Variants in RALA observed in about 807,000 individuals in gnomAD.
The protein encoded by RALA is RAS like proto-oncogene A.
A neutral mutation model predicts 24.0 loss-of-function variants in RALA; 5 were observed. The observed-to-expected ratio is 0.21, with a 90% CI of 0.11 to 0.44. The LOEUF (loss-of-function observed/expected upper bound fraction) is 0.44, where lower values mean the gene tolerates loss of function less well. Ranked by LOEUF, RALA falls within the 20% of genes least tolerant of loss-of-function variation. The pLI is 0.99. For missense variants in RALA, 95 were observed against 241.2 expected (o/e 0.39, Z 4.01); for synonymous variants, 77 against 83.8 (o/e 0.92, Z 0.44).
intron 1 of RALA, among the ~76,000 whole-genome samples, chr7:39,666,967 GA>G (rs1307127000): frequency 6.6e-6 from 1 of 152,048 alleles, no homozygotes; most frequent in Non-Finnish European, 1.5e-5. Context: ...CATTTTTGGG[GA>G]AAAAAATCAC....
At chr7:39,699,945 A>G (rs1792994015) in intron 4 of RALA, among the ~76,000 whole-genome samples, 1 of 152,006 alleles carries the variant, frequency 6.6e-6, no homozygotes, top group African/African-American at 2.4e-5. Flanking sequence ...TCCACAACCA[A>G]ATGCAGACAG....
At chr7:39,665,115 T>G (rs1367450515) in intron 1 of RALA, among the ~76,000 whole-genome samples, 1 of 152,180 alleles carries the variant, frequency 6.6e-6, no homozygotes, top group Non-Finnish European at 1.5e-5. Flanking sequence ...TTTCTTTAGC[T>G]ACAATGAGTG....
chr7:39,696,551 T>G, intron 3 of RALA, 134 bp from the exon 4 acceptor site: 1 of 677,682 alleles, frequency 1.5e-6, no homozygotes, highest in South Asian at 2.5e-5. Flanking sequence ...TGTATCGATA[T>G]TGGTTCATTA....
chr7:39,693,228 C>T (rs1792861610), intron 3 of RALA, among the ~76,000 whole-genome samples: 2 of 152,162 alleles, frequency 1.3e-5, no homozygotes, highest in Non-Finnish European at 2.9e-5. Flanking sequence ...CCATGGAATA[C>T]TATGCAGCCA....
chr7:39,673,678 T>C (rs1406586066), intron 1 of RALA, among the ~76,000 whole-genome samples: 1 of 152,216 alleles, frequency 6.6e-6, no homozygotes. Flanking sequence ...TGAAATCATA[T>C]TATCAGTTAA....
chr7:39,691,375 A>G (rs185805715), intron 3 of RALA, among the ~76,000 whole-genome samples: 1 of 152,310 alleles, frequency 6.6e-6, no homozygotes, highest in Non-Finnish European at 1.5e-5. Context: ...AGGACAGAAA[A>G]GAAGCATGCA....
chr7:39,697,128 C>T (rs1370472473), intron 4 of RALA, among the ~76,000 whole-genome samples: 2 of 152,080 alleles, frequency 1.3e-5, no homozygotes, highest in Non-Finnish European at 2.9e-5. Flanking sequence ...TTTTTTCCCC[C>T]CTTATCCTAT....
chr7:39,664,880 T>G (rs1390937192), intron 1 of RALA, among the ~76,000 whole-genome samples: 1 of 151,242 alleles, frequency 6.6e-6, no homozygotes, highest in Non-Finnish European at 1.5e-5. Context: ...TGGTGCCAGG[T>G]GATGAGAAAG....
intron 3 of RALA, among the ~76,000 whole-genome samples, chr7:39,694,264 T>A (rs1792878868): frequency 6.6e-6 from 1 of 152,230 alleles, no homozygotes; most frequent in East Asian, 1.9e-4. Context: ...TGTCTTAAAT[T>A]TGACTTTTTT....
intron 1 of RALA, among the ~76,000 whole-genome samples, chr7:39,634,691 C>T (rs994918656): frequency 1.3e-5 from 2 of 152,084 alleles, no homozygotes; most frequent in Non-Finnish European, 2.9e-5. Flanking sequence ...AGACAATTCT[C>T]GGTGCCTGCT....
chr7:39,635,179 A>T (rs914611910), intron 1 of RALA, among the ~76,000 whole-genome samples: 1 of 152,130 alleles, frequency 6.6e-6, no homozygotes, highest in African/African-American at 2.4e-5. Context: ...TGCAAAAAAT[A>T]GAAAAAAATT....
intron 1 of RALA, among the ~76,000 whole-genome samples, chr7:39,648,043 A>C (rs1418674928): frequency 6.6e-6 from 1 of 152,198 alleles, no homozygotes; most frequent in Non-Finnish European, 1.5e-5. Flanking sequence ...ATATGGTATA[A>C]CATTTTTCTC....
chr7:39,689,299 C>G lies in RALA; in HGVS notation c.115-1083C>G, dbSNP rs117790329. Among the ~76,000 whole-genome samples, 115 of 152,214 alleles carry G rather than the reference C, an allele frequency of 7.6e-4. 2 individuals are homozygous for G. The East Asian group carries it at 0.018, about 23-fold the overall frequency. On this transcript the variant is annotated intron_variant, in intron 2 of 4. Coordinates refer to ENST00000005257, the MANE Select transcript of RALA (RefSeq NM_005402.4). ...TGAGCCACCACACCCAGCCCACATG[C>G]CTAACTTGTAATGAATGACTAAGCA...
chr7:39,647,670 G>C (rs960294516), intron 1 of RALA, among the ~76,000 whole-genome samples: 1 of 152,078 alleles, frequency 6.6e-6, no homozygotes, highest in Non-Finnish European at 1.5e-5. Flanking sequence ...TAGGTCATGA[G>C]GGAAGAGACC....
Position 39,696,845 on chromosome 7 carries a change from G to A in RALA, c.484G>A (p.Ala162Thr). The change falls in exon 4 of 5, where the codon GCT becomes ACT. Residue 162 changes from alanine to threonine, a missense_variant. Transcript: ENST00000005257. ...NYVETSAKTR[A>T]NVDKVFFDLM... ...CGTGGAAACATCTGCTAAAACACGA[G>A]CTAATGTTGACAAGGTAACACGTGA... 1 of 1,611,806 alleles carries A rather than the reference G, an allele frequency of 6.2e-7. No individual in the cohort carries two copies. Among genetic ancestry groups the A allele is most frequent in the Non-Finnish European group, 8.5e-7 (1 of 1,179,356 alleles).
chr7:39,664,648 TGAAG>T (rs1268251680), intron 1 of RALA, among the ~76,000 whole-genome samples: 1 of 152,140 alleles, frequency 6.6e-6, no homozygotes, highest in Admixed American at 6.5e-5. Context: ...CTCACACCAT[TGAAG>T]ATACCATCAT....
In RALA at chr7:39,641,606, G is replaced by A. The variant is rs1047610323; in HGVS notation, c.-38+17781G>A. Among the ~76,000 whole-genome samples, 6 of 152,102 alleles carry A rather than the reference G, an allele frequency of 3.9e-5. 1 individual carries two copies. The highest frequency in any genetic ancestry group is 5.9e-5 in the Non-Finnish European group (4 of 68,032). ...TGCTTCCCCTCTGTTCATATATTTG[G>A]ATTCCCAAGCTCTGTCAGTGTCCAT... On this transcript the variant is annotated intron_variant, in intron 1 of 4. Coordinates refer to ENST00000005257, the MANE Select transcript of RALA (RefSeq NM_005402.4).
chr7:39,628,376 T>TACACACACACACAC (rs36095637), intron 1 of RALA, among the ~76,000 whole-genome samples: 27 of 145,142 alleles, frequency 1.9e-4, no homozygotes, highest in African/African-American at 5.4e-4. Context: ...ACCTCATAAC[T>TACACACACACACAC]ACACACACAC....
At chr7:39,640,016 C>CCATTCTAG (rs1327317862) in intron 1 of RALA, among the ~76,000 whole-genome samples, 8 of 145,412 alleles carry the variant, frequency 5.5e-5, no homozygotes, top group African/African-American at 2.3e-4. Context: ...TATATTATAA[C>CCATTCTAG]CATTCTAGTG....
Sources: gnomAD v4.1 joint callset for allele counts (sites outside exome capture counted in the v4.1 genomes callset) on GRCh38, gnomAD v4.1.1 for gene constraint, MANE v1.5 for transcripts, NCBI Gene and HGNC (gene_info 2026-07-23, HGNC 2026-07-21) for gene names.